The following YARS1 variants were observed in gnomAD, a reference collection of about 807,000 sequenced individuals.
YARS1 encodes the protein tyrosyl-tRNA synthetase 1.
A neutral mutation model predicts 62.2 loss-of-function variants in YARS1; 36 were observed. That is an observed-to-expected ratio of 0.58 (90% confidence interval 0.44 to 0.76). The LOEUF is 0.76. YARS1 is among the 30% of genes least tolerant of loss of function. The probability of loss-of-function intolerance (pLI) is 0.00; values close to 1 mark genes in which losing one functional copy is unlikely to be tolerated. For missense variants in YARS1, 524 were observed against 639.8 expected (o/e 0.82, Z 1.95); for synonymous variants, 234 against 244.9 (o/e 0.96, Z 0.42).
intron 8 of YARS1, among the ~76,000 whole-genome samples, chr1:32,784,654 A>G (rs1277616530): frequency 6.6e-6 from 1 of 151,998 alleles, no homozygotes; most frequent in African/African-American, 2.4e-5. Context: ...ATTTCCTCCT[A>G]TATTATTTCT....
intron 5 of YARS1, among the ~76,000 whole-genome samples, chr1:32,794,310 G>A (rs796564090): frequency 3.3e-5 from 5 of 152,104 alleles, no homozygotes; most frequent in African/African-American, 4.8e-5. Flanking sequence ...AGATCATGCC[G>A]CTGCCCTTCA....
rs1421123430 is a variant in YARS1 at position 32,817,235 on chromosome 1, C to T, written c.10G>A (p.Ala4Thr). Residue 4 changes from alanine (A) to threonine (T), a missense_variant, in exon 1 of 13, where the codon GCT (alanine) becomes ACT (threonine). Ala to Thr is a moderately conservative substitution (Grantham distance 58). Coordinates refer to ENST00000373477, the MANE Select transcript of YARS1 (RefSeq NM_003680.4). ...TGCAGTTTCTCTTCAGGGCTGGGAG[C>T]GTCCCCCATGGCTCCGCTACCCCTG... MGD[A>T]PSPEEKLHLI... is the part of the protein sequence containing the mutation. The T allele has an allele frequency of 6.2e-7, 1 of 1,614,128 alleles. No individual in the cohort carries two copies.
chr1:32,778,319 A>T (rs767533848), intron 12 of YARS1, among the ~76,000 whole-genome samples: 4 of 152,218 alleles, frequency 2.6e-5, no homozygotes, highest in Non-Finnish European at 5.9e-5. Context: ...TTCATTGTCC[A>T]GAAGGCAAGG....
At chr1:32,805,652 A>G (rs373737523) in intron 4 of YARS1, among the ~76,000 whole-genome samples, 3 of 152,202 alleles carry the variant, frequency 2.0e-5, no homozygotes, top group African/African-American at 7.2e-5. Context: ...AATCATTTCT[A>G]GGTGTAGATT....
intron 5 of YARS1, 116 bp downstream of exon 5, chr1:32,797,647 C>T: frequency 1.1e-6 from 1 of 935,710 alleles, no homozygotes; most frequent in Non-Finnish European, 1.7e-6. Flanking sequence ...ATCTGCAAAA[C>T]AAGGAGAATA....
chr1:32,782,757 TG>T, intron 8 of YARS1: 1 of 605,918 alleles, frequency 1.7e-6, no homozygotes, highest in Non-Finnish European at 2.9e-6. Context: ...AACTTGAGGG[TG>T]TTTAGGAGCT....
In YARS1 at chr1:32,779,362, G is replaced by C. The variant is rs1284520620; in HGVS notation, c.1476+20C>G. The C allele has an allele frequency of 6.2e-7, 1 of 1,614,148 alleles. No individual in the cohort carries two copies. ...GTCCAGGCAGCCCAGCCAAGAAAGG[G>C]AACAATTACAGCTTTTTACCTGCAA... On this transcript the variant is annotated intron_variant, in intron 12 of 12. Transcript: ENST00000373477.
intron 3 of YARS1, among the ~76,000 whole-genome samples, chr1:32,810,258 A>G (rs377550458): frequency 1.3e-5 from 2 of 152,098 alleles, no homozygotes; most frequent in Non-Finnish European, 2.9e-5. Context: ...CATTTCTTTT[A>G]TTATTATTTG....
intron 4 of YARS1, among the ~76,000 whole-genome samples, chr1:32,802,951 T>C (rs1205481689): frequency 6.6e-6 from 1 of 151,444 alleles, no homozygotes; most frequent in Non-Finnish European, 1.5e-5. Context: ...TAGCTGGGGT[T>C]ACAGATGCGC....
intron 6 of YARS1, among the ~76,000 whole-genome samples, chr1:32,788,500 G>A (rs1383372862): frequency 1.3e-5 from 2 of 151,892 alleles, no homozygotes; most frequent in African/African-American, 2.4e-5. Flanking sequence ...GCATGATCTC[G>A]ACTCACCTCA....
At chr1:32,803,783 C>T (rs1014304220) in intron 4 of YARS1, among the ~76,000 whole-genome samples, 1 of 151,290 alleles carries the variant, frequency 6.6e-6, no homozygotes, top group Non-Finnish European at 1.5e-5. Context: ...GGGTGTTTCT[C>T]GGAGAGGGGG....
chr1:32,780,782 C>G, intron 10 of YARS1: 1 of 520,396 alleles, frequency 1.9e-6, no homozygotes, highest in South Asian at 2.0e-5. Flanking sequence ...TCAGGTGAGT[C>G]TATCAGACCA....
intron 11 of YARS1, 152 bp from the exon 12 acceptor site, chr1:32,779,675 C>T: frequency 3.2e-6 from 3 of 932,990 alleles, no homozygotes; most frequent in Non-Finnish European, 5.0e-6. Context: ...TATCTTGCTA[C>T]ATCCCTGCAT....
chr1:32,812,363 T>G (rs923406157), intron 1 of YARS1, among the ~76,000 whole-genome samples: 1 of 152,150 alleles, frequency 6.6e-6, no homozygotes, highest in African/African-American at 2.4e-5. Flanking sequence ...AAAACACAGA[T>G]AGTAAGACTG....
At chr1:32,799,541 C>T (rs945202013) in intron 4 of YARS1, among the ~76,000 whole-genome samples, 4 of 152,074 alleles carry the variant, frequency 2.6e-5, no homozygotes, top group Admixed American at 6.6e-5. Context: ...AAAGTAGAAT[C>T]GATAAGATTT....
intron 3 of YARS1, among the ~76,000 whole-genome samples, chr1:32,809,719 T>C (rs1337923951): frequency 6.6e-6 from 1 of 152,178 alleles, no homozygotes; most frequent in Non-Finnish European, 1.5e-5. Context: ...CTTAGCAAAA[T>C]AATGCTTACT....
In YARS1 at chr1:32,806,734, AAT is replaced by A. The variant is rs1638475200; in HGVS notation, c.381-125_381-124del. The A allele has an allele frequency of 3.8e-6, 5 of 1,322,276 alleles. No homozygotes were observed. The East Asian group carries it at 1.2e-4, about 31-fold the overall frequency. The allele number at this position is 1,322,276 out of a possible 1,614,324, so 81.9% of individuals were successfully genotyped here. On this transcript the variant is annotated intron_variant, in intron 3 of 12. Coordinates refer to ENST00000373477, the MANE Select transcript of YARS1 (RefSeq NM_003680.4). ...TGTAACCAGGGATCTCGGTTTTAAA[AAT>A]ATATTTTAATCACCAACTTTCTTCT...
chr1:32,797,843 C>A lies in YARS1; in HGVS notation c.511G>T (p.Ala171Ser). 6.2e-7 allele frequency: 1 copy of A among 1,613,632 alleles called. No individual in the cohort carries two copies. The highest frequency in any genetic ancestry group is 8.5e-7 in the Non-Finnish European group (1 of 1,179,652). ...LSGLLYPGLQ[A>S]LDEEYLKVDA... ...ACTTTTAAATACTCTTCATCCAAAG[C>A]CTGTGGAAAGAAACACATGAACATA... Residue 171 changes from alanine to serine, a missense_variant and splice_region_variant, in exon 5 of 13, where the codon GCT becomes TCT. Physicochemically the swap from Ala to Ser is moderately conservative, Grantham distance 99 (BLOSUM62 1). Transcript: ENST00000373477.
chr1:32,797,087 C>T (rs1653628676), intron 5 of YARS1, among the ~76,000 whole-genome samples: 1 of 113,742 alleles, frequency 8.8e-6, no homozygotes, highest in Non-Finnish European at 1.7e-5. Context: ...TATCAAAAAA[C>T]TAAGCCAGGC....
Sources: gnomAD v4.1 joint callset for allele counts (sites outside exome capture counted in the v4.1 genomes callset) on GRCh38, gnomAD v4.1.1 for gene constraint, MANE v1.5 for transcripts, NCBI Gene and HGNC (gene_info 2026-07-23, HGNC 2026-07-21) for gene names.